CCT7: variants seen among roughly 807,000 people sequenced by gnomAD.
The protein encoded by CCT7 is T-complex protein 1 subunit eta.
A neutral mutation model predicts 56.6 loss-of-function variants in CCT7; 16 were observed. The observed-to-expected ratio is 0.28, with a 90% CI of 0.19 to 0.43. The LOEUF is 0.43. Among genes scored for constraint, CCT7 ranks in the 20% least tolerant of loss-of-function variants. The pLI, the probability that CCT7 is intolerant of heterozygous loss-of-function variation, is 1.00. For missense variants in CCT7, 519 were observed against 685.6 expected (o/e 0.76, Z 2.71); for synonymous variants, 262 against 254.8 (o/e 1.03, Z -0.27).
At chr2:73,246,560 T>A (rs1162885946) in intron 6 of CCT7, among the ~76,000 whole-genome samples, 3 of 152,226 alleles carry the variant, frequency 2.0e-5, no homozygotes, top group Admixed American at 6.5e-5. Flanking sequence ...ACTTTATTCT[T>A]CTGCGTAAAG....
intron 1 of CCT7, 47 bp downstream of exon 1, chr2:73,234,431 G>T: frequency 6.2e-7 from 1 of 1,608,592 alleles, no homozygotes. Context: ...CCATCTGGCC[G>T]GTGGCCGGCG....
intron 11 of CCT7, 26 bp downstream of exon 11, chr2:73,251,458 CA>C: frequency 8.2e-5 from 95 of 1,153,578 alleles, no homozygotes; most frequent in Non-Finnish European, 9.7e-5. Flanking sequence ...CCCCAGGGTT[CA>C]GGGTTTGGGC....
intron 6 of CCT7, 26 bp downstream of exon 6, chr2:73,244,741 C>T (rs367592748): frequency 8.2e-5 from 130 of 1,578,692 alleles, no homozygotes; most frequent in Non-Finnish European, 1.1e-4. Context: ...CCTTCCTAGA[C>T]AGCTCTTGCT....
chr2:73,237,485 A>G (rs1256107510), intron 1 of CCT7: 1 of 152,234 alleles, frequency 6.6e-6, no homozygotes, highest in Non-Finnish European at 1.5e-5. Context: ...TGGGGCTGCC[A>G]TAAGGAATGA....
intron 1 of CCT7, 40 bp from the exon 2 acceptor site, chr2:73,239,603 T>C: frequency 6.3e-7 from 1 of 1,585,966 alleles, no homozygotes; most frequent in East Asian, 2.2e-5. Context: ...CTCATTATAA[T>C]AGATGATTAT....
chr2:73,234,355 C>T lies in CCT7; in HGVS notation c.-24C>T, dbSNP rs1053329. 7 of 1,613,036 alleles carry T rather than the reference C, an allele frequency of 4.3e-6. No homozygotes were observed. The highest frequency in any genetic ancestry group is 1.1e-5 in the South Asian group (1 of 91,078). ...GGTCTCGGAGAAGAGGGGAGAGTGGCGGGCCGCTGAATAAGCTTCCAAAAT... is the reference window on the plus strand; with the variant it reads ...GGTCTCGGAGAAGAGGGGAGAGTGGTGGGCCGCTGAATAAGCTTCCAAAAT... On this transcript the variant is annotated 5_prime_UTR_variant, in exon 1 of 12. Transcript: ENST00000258091.
chr2:73,252,324 G>GATAGAT (rs141437409), intron 11 of CCT7, among the ~76,000 whole-genome samples: 4 of 127,320 alleles, frequency 3.1e-5, no homozygotes, highest in Non-Finnish European at 6.7e-5. Flanking sequence ...CTCATTGTTT[G>GATAGAT]ATATATATAT....
At position 73,249,844 on chromosome 2, in the gene CCT7, G is replaced by C. The variant is rs549340451; in HGVS notation, c.998G>C (p.Ser333Thr). 2 of 1,613,724 alleles carry C rather than the reference G, an allele frequency of 1.2e-6. No individual in the cohort carries two copies. The highest frequency in any genetic ancestry group is 1.7e-5 in the Admixed American group (1 of 60,036). The part of the protein sequence containing the change: ...MMACGGSIQT[S>T]VNALSADVLG... Reference sequence around the variant, plus strand: ...GCCTGTGGAGGCTCAATCCAGACCAGTGTGAATGCTCTGTCAGCAGATGTG... The same window carrying C: ...GCCTGTGGAGGCTCAATCCAGACCACTGTGAATGCTCTGTCAGCAGATGTG... The change falls in exon 9 of 12, where the codon AGT becomes ACT. Residue 333 changes from serine (S) to threonine (T), a missense_variant. Transcript: ENST00000258091.
At chr2:73,239,458 T>C (rs1687010870) in intron 1 of CCT7, 185 bp from the exon 2 acceptor site, 1 of 590,868 alleles carries the variant, frequency 1.7e-6, no homozygotes, top group Non-Finnish European at 3.0e-6. Flanking sequence ...TAGGCTAAAT[T>C]TGATAGTGTC....
At chr2:73,247,577 TTA>T (rs748214025) in intron 6 of CCT7, among the ~76,000 whole-genome samples, 183 bp from the exon 7 acceptor site, 2 of 143,560 alleles carry the variant, frequency 1.4e-5, no homozygotes, top group East Asian at 2.0e-4. Context: ...GTTGTGTTAT[TTA>T]AAAAAAAAAA....
At chr2:73,245,780 A>G (rs1266024315) in intron 6 of CCT7, among the ~76,000 whole-genome samples, 2 of 152,018 alleles carry the variant, frequency 1.3e-5, no homozygotes, top group Non-Finnish European at 2.9e-5. Context: ...TTCCCCTCCT[A>G]TTGTGGCACA....
At chr2:73,236,277 A>G (rs751555188) in intron 1 of CCT7, among the ~76,000 whole-genome samples, 45 of 152,208 alleles carry the variant, frequency 3.0e-4, no homozygotes, top group Non-Finnish European at 5.9e-4. Flanking sequence ...AAGATCAGTA[A>G]GCTGAAATTC....
chr2:73,244,227 T>C, intron 5 of CCT7, 178 bp downstream of exon 5: 1 of 668,236 alleles, frequency 1.5e-6, no homozygotes, highest in South Asian at 2.0e-5. Context: ...TGACTTCCTG[T>C]GGCCAAATTG....
chr2:73,234,534 C>T (rs914298355), intron 1 of CCT7, 150 bp downstream of exon 1: 43 of 957,490 alleles, frequency 4.5e-5, no homozygotes, highest in Non-Finnish European at 6.3e-5. Flanking sequence ...CCCAGCCAGC[C>T]GCGGCCTGGC....
chr2:73,248,610 C>A (rs1687446601), intron 7 of CCT7, among the ~76,000 whole-genome samples: 1 of 152,128 alleles, frequency 6.6e-6, no homozygotes, highest in South Asian at 2.1e-4. Context: ...CTGCCTTGGC[C>A]TCCCAAAGTT....
chr2:73,242,739 G>A (rs1019185373), intron 3 of CCT7, among the ~76,000 whole-genome samples: 1 of 152,192 alleles, frequency 6.6e-6, no homozygotes, highest in Non-Finnish European at 1.5e-5. Flanking sequence ...TTACCCTGAG[G>A]ACATTTGATT....
At position 73,251,179 on chromosome 2, in the gene CCT7, T is replaced by C. The variant is rs570279072; in HGVS notation, c.1204-47T>C. On this transcript the variant is annotated intron_variant, in intron 10 of 11. Coordinates refer to ENST00000258091, the MANE Select transcript of CCT7 (RefSeq NM_006429.4). ...CTACTGAGTGGCCCAGCATGGAAGC[T>C]TGGACCAGGGGCCCTCTTACATTGA... 2.5e-6 allele frequency: 4 copies of C among 1,573,922 alleles called. No homozygotes were observed. In the African/African-American group the frequency reaches 4.0e-5, roughly 16 times the overall value.
chr2:73,247,080 C>A (rs763968476), intron 6 of CCT7, among the ~76,000 whole-genome samples: 7 of 152,144 alleles, frequency 4.6e-5, no homozygotes, highest in Admixed American at 2.6e-4. Context: ...TTATGCCCTG[C>A]TGTTAAATCC....
chr2:73,236,621 G>A (rs910709503), intron 1 of CCT7, among the ~76,000 whole-genome samples: 7 of 152,204 alleles, frequency 4.6e-5, no homozygotes, highest in Non-Finnish European at 1.0e-4. Context: ...TTACAGGCGT[G>A]AGCCACCGCA....
Sources: gnomAD v4.1 joint callset for allele counts (sites outside exome capture counted in the v4.1 genomes callset) on GRCh38, gnomAD v4.1.1 for gene constraint, MANE v1.5 for transcripts, NCBI Gene and HGNC (gene_info 2026-07-23, HGNC 2026-07-21) for gene names.